The following ITGA8 variants were observed in gnomAD, a reference collection of about 807,000 sequenced individuals.
ITGA8 encodes the protein integrin subunit alpha 8.
ITGA8 carries 91 observed loss-of-function variants against 142.3 expected under a neutral mutation model. The observed-to-expected ratio is 0.64, with a 90% CI of 0.54 to 0.76. ITGA8 has a LOEUF of 0.76. ITGA8 is among the 30% of genes least tolerant of loss of function. ITGA8 has a pLI of 0.00. For missense variants in ITGA8, 1,406 were observed against 1,327.7 expected (o/e 1.06, Z -0.92); for synonymous variants, 505 against 485.2 (o/e 1.04, Z -0.54).
intron 2 of ITGA8, among the ~76,000 whole-genome samples, chr10:15,716,687 T>TTTTTTG (rs10677163): frequency 6.6e-6 from 1 of 151,134 alleles, no homozygotes; most frequent in African/African-American, 2.4e-5. Flanking sequence ...TTTTTTTTTT[T>TTTTTTG]GAGATGGAGT....
intron 13 of ITGA8, among the ~76,000 whole-genome samples, chr10:15,628,146 C>T (rs112631413): frequency 2.6e-5 from 4 of 151,884 alleles, no homozygotes; most frequent in African/African-American, 9.7e-5. Context: ...CCACTCCTTT[C>T]GCAGAAAACT....
At chr10:15,708,263 TTAA>T (rs922281935) in intron 2 of ITGA8, among the ~76,000 whole-genome samples, 4 of 152,284 alleles carry the variant, frequency 2.6e-5, no homozygotes, top group Non-Finnish European at 5.9e-5. Context: ...GTGTAATGAT[TTAA>T]TAATATGTCA....
chr10:15,640,460 G>C (rs886344615), intron 13 of ITGA8, among the ~76,000 whole-genome samples: 23 of 152,210 alleles, frequency 1.5e-4, no homozygotes, highest in Non-Finnish European at 8.8e-5. Context: ...GAAAGAAATT[G>C]TTTATCTTTT....
At chr10:15,553,302 GTTTTT>G (rs5783451) in intron 26 of ITGA8, among the ~76,000 whole-genome samples, 8 of 131,134 alleles carry the variant, frequency 6.1e-5, no homozygotes, top group African/African-American at 1.1e-4. Flanking sequence ...AGTTGCCATA[GTTTTT>G]TTTTTTTTTT....
At chr10:15,603,753 C>T (rs1331992084) in intron 20 of ITGA8, among the ~76,000 whole-genome samples, 3 of 152,124 alleles carry the variant, frequency 2.0e-5, no homozygotes, top group East Asian at 1.9e-4. Flanking sequence ...GTTTCCCTTC[C>T]TGTGTCGGTC....
chr10:15,526,212 T>C (rs1167359907), intron 28 of ITGA8, among the ~76,000 whole-genome samples: 1 of 152,084 alleles, frequency 6.6e-6, no homozygotes, highest in South Asian at 2.1e-4. Context: ...GTTGTGCTGT[T>C]ATCGCCCAGG....
intron 13 of ITGA8, among the ~76,000 whole-genome samples, chr10:15,632,258 C>G (rs1170001254): frequency 6.6e-6 from 1 of 150,560 alleles, no homozygotes; most frequent in Non-Finnish European, 1.5e-5. Flanking sequence ...ATAGGATTGC[C>G]TCTTCAAAGG....
Position 15,558,108 on chromosome 10 carries a change from A to G in ITGA8, c.2732T>C (p.Val911Ala), listed in dbSNP as rs1420349838. Residue 911 changes from valine (V) to alanine (A), a missense_variant, in exon 26 of 30, where the codon GTC becomes GCC. By Grantham distance (64) the Val-to-Ala change is moderately conservative. Transcript: ENST00000378076. ...HLVRKRDVHVVEFHRQSPAKI... is the reference protein window; with the variant it reads ...HLVRKRDVHVAEFHRQSPAKI... ...TGCAGGGCTCTGTCTGTGGAATTCG[A>G]CCACATGTACATCCCTCTTCCTGAC... 6.2e-7 allele frequency: 1 copy of G among 1,614,186 alleles called. No individual in the cohort carries two copies. The highest frequency in any genetic ancestry group is 2.2e-5 in the East Asian group (1 of 44,882).
At chr10:15,708,474 CA>C (rs1419821649) in intron 2 of ITGA8, among the ~76,000 whole-genome samples, 1 of 152,082 alleles carries the variant, frequency 6.6e-6, no homozygotes, top group Non-Finnish European at 1.5e-5. Context: ...AATCTGTTCA[CA>C]AAAACATCCT....
intron 28 of ITGA8, among the ~76,000 whole-genome samples, chr10:15,529,486 T>C (rs766951547): frequency 1.4e-4 from 21 of 152,246 alleles, no homozygotes; most frequent in Non-Finnish European, 3.1e-4. Context: ...AAACCTTGGA[T>C]TTTCCTCTAG....
intron 2 of ITGA8, among the ~76,000 whole-genome samples, chr10:15,694,241 CA>C (rs1402882537): frequency 7.8e-6 from 1 of 127,634 alleles, no homozygotes; most frequent in Non-Finnish European, 1.6e-5. Context: ...GATAATATAT[CA>C]TATATATGAT....
chr10:15,651,349 C>T (rs1311073360), intron 11 of ITGA8, among the ~76,000 whole-genome samples: 4 of 152,114 alleles, frequency 2.6e-5, no homozygotes, highest in Non-Finnish European at 5.9e-5. Context: ...AAGATAATTT[C>T]CCCAGCTTGT....
At chr10:15,692,631 T>C (rs1286971579) in intron 2 of ITGA8, among the ~76,000 whole-genome samples, 1 of 152,206 alleles carries the variant, frequency 6.6e-6, no homozygotes, top group African/African-American at 2.4e-5. Context: ...GTCTTGGTTT[T>C]TAACTCAGTA....
rs1588627114 is a variant in ITGA8 at position 15,531,134 on chromosome 10, A to G, written c.2898T>C (p.Tyr966=). ...CAAAGGACACCAGGGATGCAAGAGC[A>G]TAGGGATCATTTTTTCTCTGAAAGT... The part of the protein sequence containing the change: ...HTFLQRKNDP[Y]ALASLVSFEV... The change falls in exon 28 of 30, where the codon TAT becomes TAC. Residue 966 remains tyrosine (Y), a synonymous_variant. Coordinates refer to ENST00000378076, the MANE Select transcript of ITGA8 (RefSeq NM_003638.3). The G allele has an allele frequency of 1.3e-6, 2 of 1,521,342 alleles. No individual in the cohort carries two copies. The highest frequency in any genetic ancestry group is 1.8e-6 in the Non-Finnish European group (2 of 1,139,056). 94.2% of individuals were successfully genotyped at this position (1,521,342 alleles called of 1,614,324 possible).
At chr10:15,535,296 A>G (rs1833405164) in intron 27 of ITGA8, among the ~76,000 whole-genome samples, 1 of 152,110 alleles carries the variant, frequency 6.6e-6, no homozygotes, top group East Asian at 1.9e-4. Context: ...CAGTCCCATC[A>G]ACCACCCAAG....
Position 15,613,643 on chromosome 10 carries a change from G to C in ITGA8, c.1553+17C>G, listed in dbSNP as rs371748454. 2.6e-5 allele frequency: 39 copies of C among 1,508,072 alleles called. No individual in the cohort carries two copies. Among genetic ancestry groups the C allele is most frequent in the Non-Finnish European group, 3.6e-5 (39 of 1,083,864 alleles). The allele number at this position is 1,508,072 out of a possible 1,614,324, so 93.4% of individuals were successfully genotyped here. A position where few individuals can be genotyped will look rare whatever the true frequency, so the allele number is the denominator to read the frequency against. Reference sequence around the variant, plus strand: ...GTGAATTCACATTGGAGTTTGAGAAGCACCGGACTAACTCACCAGGCAGCA... The same window carrying C: ...GTGAATTCACATTGGAGTTTGAGAACCACCGGACTAACTCACCAGGCAGCA... On this transcript the variant is annotated intron_variant, in intron 15 of 29. Transcript: ENST00000378076.
At chr10:15,658,958 C>A in intron 10 of ITGA8, 41 bp downstream of exon 10, 1 of 1,279,162 alleles carries the variant, frequency 7.8e-7, no homozygotes. Flanking sequence ...CTACTGGTAA[C>A]CCAGAGTGAT....
intron 6 of ITGA8, among the ~76,000 whole-genome samples, 198 bp downstream of exon 6, chr10:15,677,394 C>T (rs1387739137): frequency 6.6e-6 from 1 of 151,820 alleles, no homozygotes; most frequent in African/African-American, 2.4e-5. Context: ...TCACATGTAC[C>T]CCATAAATAT....
chr10:15,545,368 A>G (rs1833649094), intron 27 of ITGA8, among the ~76,000 whole-genome samples: 1 of 152,224 alleles, frequency 6.6e-6, no homozygotes, highest in Non-Finnish European at 1.5e-5. Context: ...TTTGCCCTAG[A>G]TTAATCCACC....
Sources: gnomAD v4.1 joint callset for allele counts (sites outside exome capture counted in the v4.1 genomes callset) on GRCh38, gnomAD v4.1.1 for gene constraint, MANE v1.5 for transcripts, NCBI Gene and HGNC (gene_info 2026-07-23, HGNC 2026-07-21) for gene names.